The following BIRC2 variants were observed in gnomAD, a reference collection of about 807,000 sequenced individuals.
BIRC2 encodes the protein baculoviral IAP repeat-containing protein 2.
BIRC2 carries 18 observed loss-of-function variants against 60.9 expected under a neutral mutation model. The observed-to-expected ratio is 0.30, with a 90% confidence interval of 0.20 to 0.44. The LOEUF (loss-of-function observed/expected upper bound fraction) is 0.44, where lower values mean the gene tolerates loss of function less well. BIRC2 is among the 20% of genes least tolerant of loss of function. BIRC2 has a pLI of 1.00. For synonymous variants in BIRC2, 282 were observed against 247.7 expected (o/e 1.14, Z -1.30); for missense variants, 701 against 728.5 (o/e 0.96, Z 0.43).
Position 102,350,197 on chromosome 11 carries a change from A to T in BIRC2, c.343A>T (p.Asn115Tyr). Residue 115 changes from asparagine (N) to tyrosine (Y), a missense_variant, in exon 2 of 9, where the codon AAT (asparagine) becomes TAT (tyrosine). By Grantham distance (143) the Asn-to-Tyr change is moderately radical (BLOSUM62 -2). Transcript: ENST00000227758. The stretch of plus-strand genomic sequence containing the variant: ...ATATCCTAGCTGTAGCTTTATTCAG[A>T]ATCTGGTTTCAGCTAGTCTGGGATC... ...QLYPSCSFIQ[N>Y]LVSASLGSTS... is the part of the protein sequence containing the mutation. 1 of 1,614,194 alleles carries T rather than the reference A, an allele frequency of 6.2e-7. No individual in the cohort carries two copies. The highest frequency in any genetic ancestry group is 1.1e-5 in the South Asian group (1 of 91,082).
rs771112126 is a variant in BIRC2 at position 102,363,656 on chromosome 11, CTT to C, written c.1075-11_1075-10del. 1.9e-6 allele frequency: 3 copies of C among 1,609,764 alleles called. No individual in the cohort carries two copies. The highest frequency in any genetic ancestry group is 2.2e-5 in the South Asian group (2 of 90,764). On this transcript the variant is annotated splice_polypyrimidine_tract_variant and intron_variant, in intron 4 of 8. Transcript: ENST00000227758. ...TCTGCTTTTACCTATTAACTTTTCT[CTT>C]GTTTCATAGCTGTTGTCAACTTCAG...
chr11:102,362,796 A>G (rs569362386), intron 3 of BIRC2, 100 bp from the exon 4 acceptor site: 25 of 849,330 alleles, frequency 2.9e-5, no homozygotes, highest in South Asian at 2.4e-4. Context: ...TGTTTTTACT[A>G]TGGAGTACAA....
chr11:102,350,628 G>A lies in BIRC2; in HGVS notation c.774G>A (p.Arg258=). The A allele has an allele frequency of 6.2e-7, 1 of 1,614,100 alleles. No homozygotes were observed. Among genetic ancestry groups the A allele is most frequent in the Non-Finnish European group, 8.5e-7 (1 of 1,180,034 alleles). ...PFLENSLETL[R]FSISNLSMQT... is the part of the protein sequence containing the mutation. ...TGGAAAATTCTCTAGAAACTCTGAG[G>A]TTTAGCATTTCAAATCTGAGCATGC... The change falls in exon 2 of 9, where the codon AGG becomes AGA. Residue 258 remains arginine, a synonymous_variant. Coordinates refer to ENST00000227758, the MANE Select transcript of BIRC2 (RefSeq NM_001166.5).
intron 6 of BIRC2, among the ~76,000 whole-genome samples, chr11:102,374,828 GC>G (rs1171004737): frequency 6.6e-6 from 1 of 152,240 alleles, no homozygotes; most frequent in East Asian, 1.9e-4. Context: ...GACTCCGTGG[GC>G]GTAGGACCCT....
intron 8 of BIRC2, 21 bp from the exon 9 acceptor site, chr11:102,377,969 A>G (rs768806119): frequency 1.2e-5 from 19 of 1,600,254 alleles, no homozygotes; most frequent in Admixed American, 7.1e-5. Flanking sequence ...CAATTTCACT[A>G]AAGTTATTTT....
At position 102,377,907 on chromosome 11, in the gene BIRC2, A is replaced by G. The variant is rs1951733278; in HGVS notation, c.1663+9A>G. 1.2e-6 allele frequency: 2 copies of G among 1,610,262 alleles called. No individual in the cohort carries two copies. Among genetic ancestry groups the G allele is most frequent in the Non-Finnish European group, 1.7e-6 (2 of 1,178,862 alleles). On this transcript the variant is annotated intron_variant, in intron 8 of 8. Coordinates refer to ENST00000227758, the MANE Select transcript of BIRC2 (RefSeq NM_001166.5). Reference sequence around the variant, plus strand: ...AACAGAAGATGTTTCAGGTAAAACAAAGATTTAAAACCAACATGAACTATT... The same window carrying G: ...AACAGAAGATGTTTCAGGTAAAACAGAGATTTAAAACCAACATGAACTATT...
intron 3 of BIRC2, among the ~76,000 whole-genome samples, chr11:102,361,205 C>T (rs918724325): frequency 3.3e-5 from 5 of 152,022 alleles, no homozygotes; most frequent in African/African-American, 9.7e-5. Context: ...AGAAAGACAG[C>T]GGGTCTTGGG....
intron 3 of BIRC2, among the ~76,000 whole-genome samples, chr11:102,359,677 A>G (rs1236931422): frequency 6.6e-6 from 1 of 152,234 alleles, no homozygotes; most frequent in Non-Finnish European, 1.5e-5. Flanking sequence ...CTCCTGGCCT[A>G]CAAGGTTTTT....
At chr11:102,376,955 A>G (rs35392136) in intron 6 of BIRC2, among the ~76,000 whole-genome samples, 137 of 152,234 alleles carry the variant, frequency 9.0e-4, no homozygotes, top group Middle Eastern at 3.4e-3. Context: ...CAAACCCTAC[A>G]ATACTACAAT....
rs867608705 is a variant in BIRC2 at position 102,350,947 on chromosome 11, AT to A, written c.995+6del. On this transcript the variant is annotated splice_donor_5th_base_variant and intron_variant, in intron 3 of 8. Transcript: ENST00000227758. ...AACATGCCAAGTGGTTTCCAAGGTA[AT>A]TGTTTTGAAAAAGGTATTTGTACAA... 3.0e-5 allele frequency: 49 copies of A among 1,611,936 alleles called. No individual in the cohort carries two copies. Among genetic ancestry groups the A allele is most frequent in the Non-Finnish European group, 4.1e-5 (48 of 1,179,098 alleles).
Position 102,349,302 on chromosome 11 carries a change from A to G in BIRC2, c.-553A>G, listed in dbSNP as rs1172106874. 6.6e-6 allele frequency: 1 copy of G among 152,468 alleles called. No homozygotes were observed. The highest frequency in any genetic ancestry group is 6.5e-5 in the Admixed American group (1 of 15,312). 9.4% of individuals were successfully genotyped at this position (152,468 alleles called of 1,614,324 possible). On this transcript the variant is annotated 5_prime_UTR_variant, in exon 2 of 9. Transcript: ENST00000227758. ...AACTTAGCTTTTAAATAGTGTGACC[A>G]TATGAAGGTTTTAATTACTTTTGTT...
At chr11:102,362,649 A>G in intron 3 of BIRC2, 1 of 355,838 alleles carries the variant, frequency 2.8e-6, no homozygotes, top group Non-Finnish European at 5.2e-6. Flanking sequence ...GTAGGTGCAG[A>G]CGCTTTTCTT....
intron 3 of BIRC2, among the ~76,000 whole-genome samples, chr11:102,357,483 C>G (rs1951436208): frequency 6.6e-6 from 1 of 151,992 alleles, no homozygotes; most frequent in African/African-American, 2.4e-5. Context: ...AGTTATAAGT[C>G]TTTTCAGATC....
chr11:102,349,754 T>C lies in BIRC2; in HGVS notation c.-101T>C. The C allele has an allele frequency of 8.2e-7, 1 of 1,219,144 alleles. No homozygotes were observed. Among genetic ancestry groups the C allele is most frequent in the South Asian group, 1.5e-5 (1 of 66,060 alleles). 75.5% of individuals were successfully genotyped at this position (1,219,144 alleles called of 1,614,324 possible). On this transcript the variant is annotated 5_prime_UTR_variant, in exon 2 of 9. Transcript: ENST00000227758. ...TAAAGAAAGTGTAGTAAATTCTACA[T>C]AAGAGTCTATCATTGATTTCTTTTT...
chr11:102,372,088 A>G (rs1263295259), intron 6 of BIRC2, among the ~76,000 whole-genome samples: 5 of 151,682 alleles, frequency 3.3e-5, no homozygotes, highest in African/African-American at 7.3e-5. Flanking sequence ...CTAGCGGTCT[A>G]TCTATTTTGT....
chr11:102,372,864 A>G (rs2135822623), intron 6 of BIRC2, among the ~76,000 whole-genome samples: 1 of 128,286 alleles, frequency 7.8e-6, no homozygotes, highest in South Asian at 2.7e-4. Context: ...TATTGGGTGC[A>G]TATATATTTA....
intron 3 of BIRC2, among the ~76,000 whole-genome samples, chr11:102,360,999 A>G (rs1446477798): frequency 1.3e-5 from 2 of 151,990 alleles, no homozygotes; most frequent in East Asian, 1.9e-4. Flanking sequence ...TTTTTAGTCT[A>G]TAGTGGCAGA....
intron 3 of BIRC2, among the ~76,000 whole-genome samples, chr11:102,362,462 T>C (rs925395691): frequency 1.3e-5 from 2 of 152,226 alleles, no homozygotes; most frequent in African/African-American, 2.4e-5. Context: ...TAGTGGATTC[T>C]GGCTCAAATG....
intron 6 of BIRC2, among the ~76,000 whole-genome samples, chr11:102,371,660 A>G (rs1180935829): frequency 5.3e-4 from 78 of 148,086 alleles, no homozygotes; most frequent in Non-Finnish European, 7.7e-4. Flanking sequence ...CGGCTTTGGT[A>G]TCAGAATGAT....
Sources: gnomAD v4.1 joint callset for allele counts (sites outside exome capture counted in the v4.1 genomes callset) on GRCh38, gnomAD v4.1.1 for gene constraint, MANE v1.5 for transcripts, NCBI Gene and HGNC (gene_info 2026-07-23, HGNC 2026-07-21) for gene names.